The following PCDHGB7 variants were observed in gnomAD, a reference collection of about 807,000 sequenced individuals.
The protein encoded by PCDHGB7 is protocadherin gamma-B7.
A neutral mutation model predicts 61.4 loss-of-function variants in PCDHGB7; 37 were observed. The ratio of observed to expected loss-of-function variants is 0.60; its 90% CI spans 0.46 to 0.79. PCDHGB7 has a LOEUF of 0.79. PCDHGB7 is among the 30% of genes least tolerant of loss of function. The pLI is 0.00. For missense variants in PCDHGB7, 1,166 were observed against 1,202.5 expected, an observed-to-expected ratio of 0.97 and a Z score of 0.45; for synonymous variants, 464 against 503.5, an observed-to-expected ratio of 0.92 and a Z score of 1.05.
At chr5:141,421,523 C>G in intron 1 of PCDHGB7, 1 of 1,614,034 alleles carries the variant, frequency 6.2e-7, no homozygotes, top group Non-Finnish European at 8.5e-7. Context: ...CTCTGTGAGA[C>G]GGTGTCCTCC....
rs1288831801 is a variant in PCDHGB7, at chr5:141,477,793, T to C, written c.2416-17014T>C. The C allele has an allele frequency of 6.2e-7, 1 of 1,614,050 alleles. No homozygotes were observed. The highest frequency in any genetic ancestry group is 2.2e-5 in the East Asian group (1 of 44,874). ...TCAGCGTGAACATATTTGTCACTGATCGCAATGACAATGCCCCCCAGGTCC... is the reference window on the plus strand; with the variant it reads ...TCAGCGTGAACATATTTGTCACTGACCGCAATGACAATGCCCCCCAGGTCC... On this transcript the variant is annotated intron_variant, in intron 1 of 3. Coordinates refer to ENST00000398594, the MANE Select transcript of PCDHGB7 (RefSeq NM_018927.4). This position sits in a 1 kb window ranked among gnomAD's most constrained non-coding sequence, Gnocchi z 4.9.
At chr5:141,508,244 C>A (rs1278674173) in intron 3 of PCDHGB7, 1 of 152,314 alleles carries the variant, frequency 6.6e-6, no homozygotes, top group Non-Finnish European at 1.5e-5. Context: ...CTAAGTCTGC[C>A]TCTCCTGGGA....
At chr5:141,508,737 C>G (rs919094477) in intron 3 of PCDHGB7, among the ~76,000 whole-genome samples, 2 of 152,010 alleles carry the variant, frequency 1.3e-5, no homozygotes, top group Non-Finnish European at 2.9e-5. Flanking sequence ...CTACACCCCC[C>G]ACCCCGCTCT....
chr5:141,468,549 C>T (rs1289802190), intron 1 of PCDHGB7: 2 of 151,940 alleles, frequency 1.3e-5, no homozygotes, highest in Non-Finnish European at 2.9e-5. Flanking sequence ...ACATATTTAA[C>T]ATTTGTGATA....
chr5:141,432,014 A>C lies in PCDHGB7; in HGVS notation c.2415+11740A>C, dbSNP rs778393699. Reference sequence around the variant, plus strand: ...GGATAGGGAACAGGTTCCTAGCTACAACATCACAGTGACCGCCACTGACCG... The same window carrying C: ...GGATAGGGAACAGGTTCCTAGCTACCACATCACAGTGACCGCCACTGACCG... On this transcript the variant is annotated intron_variant, in intron 1 of 3. Transcript: ENST00000398594. This position sits in a 1 kb window ranked among gnomAD's most constrained non-coding sequence, Gnocchi z 6.0. 16 of 1,614,196 alleles carry C rather than the reference A, an allele frequency of 9.9e-6. 1 individual carries two copies. In the South Asian group the frequency reaches 1.6e-4, roughly 17 times the overall value.
chr5:141,428,423 G>C (rs939814279), intron 1 of PCDHGB7: 1 of 440,550 alleles, frequency 2.3e-6, no homozygotes, highest in Non-Finnish European at 4.3e-6. Flanking sequence ...CCTGGTCTCT[G>C]TTCTAAGACT....
In PCDHGB7 at chr5:141,431,615, G is replaced by C. The variant is rs1231591874; in HGVS notation, c.2415+11341G>C. The C allele has an allele frequency of 1.2e-6, 2 of 1,614,118 alleles. No individual in the cohort carries two copies. Among genetic ancestry groups the C allele is most frequent in the Non-Finnish European group, 8.5e-7 (1 of 1,180,050 alleles). ...GAGGTATTCCTTCCGGTATGTGGACGACAAGGCGGCCCAAGTTTTCAAACT... is the reference window on the plus strand; with the variant it reads ...GAGGTATTCCTTCCGGTATGTGGACCACAAGGCGGCCCAAGTTTTCAAACT... On this transcript the variant is annotated intron_variant, in intron 1 of 3. Coordinates refer to ENST00000398594, the MANE Select transcript of PCDHGB7 (RefSeq NM_018927.4). This position sits in a 1 kb window ranked among gnomAD's most constrained non-coding sequence, Gnocchi z 4.8.
At chr5:141,448,990 T>C (rs1419678645) in intron 1 of PCDHGB7, among the ~76,000 whole-genome samples, 1 of 152,070 alleles carries the variant, frequency 6.6e-6, no homozygotes, top group Non-Finnish European at 1.5e-5. Flanking sequence ...TATTAATATA[T>C]AGAAAGCTGT....
rs2099713635 is a variant in PCDHGB7, at chr5:141,491,418, T to C, written c.2416-3389T>C. The C allele has an allele frequency of 6.2e-7, 1 of 1,613,796 alleles. No individual in the cohort carries two copies. Among genetic ancestry groups the C allele is most frequent in the Non-Finnish European group, 8.5e-7 (1 of 1,179,944 alleles). On this transcript the variant is annotated intron_variant, in intron 1 of 3. Transcript: ENST00000398594. The surrounding 1 kb of genome is among the most constrained non-coding windows in gnomAD (Gnocchi z 6.9). The stretch of plus-strand genomic sequence containing the variant: ...AGGGAAACGCAGACGGGGACGGGGG[T>C]GGAGGGCAGTGCTGCAGGCGCCAGG...
intron 1 of PCDHGB7, among the ~76,000 whole-genome samples, chr5:141,473,736 G>A (rs1278322296): frequency 1.3e-5 from 2 of 152,202 alleles, no homozygotes; most frequent in Non-Finnish European, 2.9e-5. Flanking sequence ...AGAGGGAGAA[G>A]ACATGAGAAC....
At position 141,486,891 on chromosome 5, in the gene PCDHGB7, G is replaced by A. The variant is rs201201426; in HGVS notation, c.2416-7916G>A. 38 of 1,614,118 alleles carry A rather than the reference G, an allele frequency of 2.4e-5. No individual in the cohort carries two copies. The highest frequency in any genetic ancestry group is 3.1e-5 in the Non-Finnish European group (37 of 1,180,064). Reference sequence around the variant, plus strand: ...GTGCTCCGTCCTCGGGCCCGGCCTGGTTCCTTATGTCCCCAAGCACTGCCT... The same window carrying A: ...GTGCTCCGTCCTCGGGCCCGGCCTGATTCCTTATGTCCCCAAGCACTGCCT... On this transcript the variant is annotated intron_variant, in intron 1 of 3. Coordinates refer to ENST00000398594, the MANE Select transcript of PCDHGB7 (RefSeq NM_018927.4). This position sits in a 1 kb window ranked among gnomAD's most constrained non-coding sequence, Gnocchi z 5.0.
rs567061101 is a variant in PCDHGB7 at position 141,432,791 on chromosome 5, C to T, written c.2415+12517C>T. The T allele has an allele frequency of 2.7e-5, 44 of 1,614,064 alleles. No homozygotes were observed. Among genetic ancestry groups the T allele is most frequent in the Admixed American group, 8.3e-5 (5 of 60,034 alleles). On this transcript the variant is annotated intron_variant, in intron 1 of 3. Coordinates refer to ENST00000398594, the MANE Select transcript of PCDHGB7 (RefSeq NM_018927.4). The surrounding 1 kb of genome is among the most constrained non-coding windows in gnomAD (Gnocchi z 6.0). ...CCAAGTCCTGGCGGACCTCGGCAGC[C>T]TCGAGTCTCCAGCTAACTCTGAAAC... is the stretch of plus-strand genomic sequence containing the variant.
intron 1 of PCDHGB7, among the ~76,000 whole-genome samples, chr5:141,436,243 TA>T (rs1428637183): frequency 6.6e-6 from 1 of 152,154 alleles, no homozygotes; most frequent in Non-Finnish European, 1.5e-5. Context: ...TAACATGGTC[TA>T]ATTATTCTGA....
intron 1 of PCDHGB7, among the ~76,000 whole-genome samples, chr5:141,444,012 G>T (rs1355186604): frequency 1.3e-5 from 2 of 152,058 alleles, no homozygotes; most frequent in African/African-American, 4.8e-5. Flanking sequence ...CTGGGTATTG[G>T]CTTCTAAAAG....
In PCDHGB7 at chr5:141,489,461, A is replaced by G. The variant is rs1329676538; in HGVS notation, c.2416-5346A>G. 5.0e-6 allele frequency: 8 copies of G among 1,613,832 alleles called. No homozygotes were observed. The highest frequency in any genetic ancestry group is 6.8e-6 in the Non-Finnish European group (8 of 1,179,986). On this transcript the variant is annotated intron_variant, in intron 1 of 3. Transcript: ENST00000398594. This position sits in a 1 kb window ranked among gnomAD's most constrained non-coding sequence, Gnocchi z 4.5. ...TTGGGCTCTGAGGAGAATGGGCGCT[A>G]TTTTTCCCTGAGCTTGATGAGTGGT...
intron 1 of PCDHGB7, among the ~76,000 whole-genome samples, chr5:141,433,761 T>G (rs2154555909): frequency 6.7e-6 from 1 of 148,664 alleles, no homozygotes; most frequent in Admixed American, 6.8e-5. Context: ...TGCTTTAACC[T>G]GGGAGGTGGA....
chr5:141,481,724 C>T (rs1301509633), intron 1 of PCDHGB7, among the ~76,000 whole-genome samples: 2 of 151,882 alleles, frequency 1.3e-5, no homozygotes. Context: ...GAGGCGGAGG[C>T]GGGCGGATCA....
In PCDHGB7 at chr5:141,489,906, C is replaced by T. The variant is rs550717535; in HGVS notation, c.2416-4901C>T. On this transcript the variant is annotated intron_variant, in intron 1 of 3. Transcript: ENST00000398594. The surrounding 1 kb of genome is among the most constrained non-coding windows in gnomAD (Gnocchi z 4.5). ...CTGTGGATGGGGGGACCCCAGCCCG[C>T]TCAGGGACCACCCTTATCTCTGTCA... 4.5e-5 allele frequency: 72 copies of T among 1,614,234 alleles called. No individual in the cohort carries two copies. In the African/African-American group the frequency reaches 5.6e-4, roughly 13 times the overall value.
rs1219684339 is a variant in PCDHGB7, at chr5:141,506,444, CAAAAAAAAAAA to C, written c.2563+974_2563+984del. Among the ~76,000 whole-genome samples, 33 of 95,024 alleles carry C rather than the reference CAAAAAAAAAAA, an allele frequency of 3.5e-4. No individual in the cohort carries two copies. The East Asian group carries it at 0.011, about 31-fold the overall frequency. The allele number at this position is 95,024 out of a possible 152,430, so 62.3% of individuals were successfully genotyped here. On this transcript the variant is annotated intron_variant, in intron 3 of 3. Coordinates refer to ENST00000398594, the MANE Select transcript of PCDHGB7 (RefSeq NM_018927.4). ...CCTGGGCAACAGTCTCGCTCTGTCTCAAAAAAAAAAAAAAAAAAAAAGAGCACAGGCTTTAG... is the reference window on the plus strand; with the variant it reads ...CCTGGGCAACAGTCTCGCTCTGTCTCAAAAAAAAAAGAGCACAGGCTTTAG...
Sources: gnomAD v4.1 joint callset for allele counts (sites outside exome capture counted in the v4.1 genomes callset) on GRCh38, gnomAD v4.1.1 for gene constraint, Gnocchi (gnomAD v3.1) non-coding constraint, MANE v1.5 for transcripts, NCBI Gene and HGNC (gene_info 2026-07-23, HGNC 2026-07-21) for gene names.